PAPPA: variants seen among roughly 807,000 people sequenced by gnomAD.
PAPPA encodes pappalysin 1, also known as pappalysin-1.
In PAPPA, 60 loss-of-function variants were observed where a neutral mutation model predicts 164.0. The observed-to-expected ratio is 0.37, with a 90% confidence interval of 0.30 to 0.45. The LOEUF is 0.45. Ranked by LOEUF, PAPPA falls within the 20% of genes least tolerant of loss-of-function variation. PAPPA has a pLI of 1.00. For synonymous variants in PAPPA, 875 were observed against 814.1 expected, an observed-to-expected ratio of 1.07 and a Z score of -1.27; for missense variants, 1,782 against 2,087.3, an observed-to-expected ratio of 0.85 and a Z score of 2.85.
chr9:116,235,500 T>C lies in PAPPA; in HGVS notation c.2595T>C (p.Asp865=). 1.2e-6 allele frequency: 2 copies of C among 1,613,628 alleles called. No individual in the cohort carries two copies. Among genetic ancestry groups the C allele is most frequent in the African/African-American group, 1.3e-5 (1 of 75,018 alleles). Reference sequence around the variant, plus strand: ...CGCTGGATGAGCACCTGGAGATCGATGCTGCCATGTTGACCTCCACTGCAG... The same window carrying C: ...CGCTGGATGAGCACCTGGAGATCGACGCTGCCATGTTGACCTCCACTGCAG... ...IYTLDEHLEI[D]AAMLTSTADT... The change falls in exon 7 of 22, where the codon GAT becomes GAC. Residue 865 remains aspartate (D), a synonymous_variant. Coordinates refer to ENST00000328252, the MANE Select transcript of PAPPA (RefSeq NM_002581.5).
intron 2 of PAPPA, among the ~76,000 whole-genome samples, chr9:116,196,102 C>T (rs1337886113): frequency 2.0e-5 from 3 of 152,146 alleles, no homozygotes; most frequent in East Asian, 1.9e-4. Flanking sequence ...CTCAGGACTA[C>T]ACCAACCAAG....
intron 15 of PAPPA, among the ~76,000 whole-genome samples, chr9:116,350,339 T>C (rs1351367293): frequency 4.6e-5 from 7 of 152,184 alleles, no homozygotes; most frequent in African/African-American, 1.7e-4. Flanking sequence ...TGCAGGGTAG[T>C]GGCTACAGCT....
chr9:116,353,566 C>A, intron 16 of PAPPA, 56 bp from the exon 17 acceptor site: 1 of 1,497,144 alleles, frequency 6.7e-7, no homozygotes, highest in South Asian at 1.2e-5. Flanking sequence ...TCATGCAGGG[C>A]ATGGATCTAG....
In PAPPA at chr9:116,401,887, G is replaced by T. The variant is rs1847062766; in HGVS notation, c.*5271G>T. On this transcript the variant is annotated 3_prime_UTR_variant, in exon 22 of 22. Transcript: ENST00000328252. ...AAAAGAAAAAGAAGAAAGACACAAA[G>T]AAAATAATCTAAACACCAAAAACTA... is the stretch of plus-strand genomic sequence containing the variant. 6.7e-6 allele frequency: 1 copy of T among 149,856 alleles called. No individual in the cohort carries two copies. The highest frequency in any genetic ancestry group is 2.4e-5 in the African/African-American group (1 of 40,892). 9.3% of individuals were successfully genotyped at this position (149,856 alleles called of 1,614,324 possible). A position where few individuals can be genotyped will look rare whatever the true frequency, so the allele number is the denominator to read the frequency against.
chr9:116,247,047 G>A (rs1844805173), intron 7 of PAPPA, among the ~76,000 whole-genome samples: 1 of 151,838 alleles, frequency 6.6e-6, no homozygotes, highest in Non-Finnish European at 1.5e-5. Context: ...AAGAGAGAGA[G>A]AAAATAAATG....
chr9:116,335,157 T>A, intron 13 of PAPPA, 83 bp downstream of exon 13: 1 of 1,156,148 alleles, frequency 8.6e-7, no homozygotes, highest in Non-Finnish European at 1.3e-6. Context: ...TAGCCATTTG[T>A]GTGGATGTAA....
At position 116,207,461 on chromosome 9, in the gene PAPPA, A is replaced by T; in HGVS notation, c.1484A>T (p.Tyr495Phe). 1 of 1,610,772 alleles carries T rather than the reference A, an allele frequency of 6.2e-7. No individual in the cohort carries two copies. Among genetic ancestry groups the T allele is most frequent in the Non-Finnish European group, 8.5e-7 (1 of 1,178,266 alleles). ...CFDPDSPHRA[Y>F]LDVNELKNIL... ...AGGTTCTTTTTCTGTTTCAGAGCCT[A>T]CTTGGATGTTAATGAGCTGAAGAAC... is the stretch of plus-strand genomic sequence containing the variant. The change falls in exon 3 of 22, where the codon TAC becomes TTC. Residue 495 changes from tyrosine to phenylalanine, a missense_variant. Physicochemically the swap from Tyr to Phe is conservative, Grantham distance 22. Around this residue, in one of 2 missense-constraint regions of PAPPA, gnomAD observed 1,324 missense variants for 1,656.9 expected, o/e 0.80. Coordinates refer to ENST00000328252, the MANE Select transcript of PAPPA (RefSeq NM_002581.5).
In PAPPA at chr9:116,188,282, T is replaced by C. The variant is rs1305651045; in HGVS notation, c.1478+66T>C. 7 of 1,219,226 alleles carry C rather than the reference T, an allele frequency of 5.7e-6. No homozygotes were observed. The Admixed American group carries it at 1.6e-4, about 27-fold the overall frequency. The allele number at this position is 1,219,226 out of a possible 1,614,324, so 75.5% of individuals were successfully genotyped here. ...AACTTGATGTCCTCCATATTATAGA[T>C]AAGGCACCTGAGGCCAGTGGGTGAT... On this transcript the variant is annotated intron_variant, in intron 2 of 21. Coordinates refer to ENST00000328252, the MANE Select transcript of PAPPA (RefSeq NM_002581.5).
chr9:116,218,742 G>C (rs1369778510), intron 4 of PAPPA, among the ~76,000 whole-genome samples: 4 of 152,150 alleles, frequency 2.6e-5, no homozygotes, highest in Non-Finnish European at 5.9e-5. Context: ...TTGAAAAGAA[G>C]TTCTCATATT....
chr9:116,394,275 G>A (rs913050101), intron 21 of PAPPA, among the ~76,000 whole-genome samples: 2 of 152,186 alleles, frequency 1.3e-5, no homozygotes, highest in Admixed American at 1.3e-4. Flanking sequence ...ATTTGGCACT[G>A]AGCATCTCAA....
At chr9:116,228,493 G>T (rs922523609) in intron 6 of PAPPA, among the ~76,000 whole-genome samples, 5 of 152,062 alleles carry the variant, frequency 3.3e-5, no homozygotes, top group African/African-American at 9.6e-5. Flanking sequence ...TAGAAAGAAG[G>T]TTGAAAAGAA....
Position 116,154,481 on chromosome 9 carries a change from C to T in PAPPA, c.309C>T (p.Gly103=). ...GGGCGCTCTATTTCAGCGGGCGAGG[C>T]GAGCAGCTGCGCCTCCGGGCCGACC... ...PSRALYFSGR[G]EQLRLRADLE... The change falls in exon 1 of 22, where the codon GGC becomes GGT. Residue 103 remains glycine, a synonymous_variant. Transcript: ENST00000328252. This position sits in a 1 kb window ranked among gnomAD's most constrained non-coding sequence, Gnocchi z 5.2. The T allele has an allele frequency of 7.7e-7, 1 of 1,304,924 alleles. No individual in the cohort carries two copies. Among genetic ancestry groups the T allele is most frequent in the Non-Finnish European group, 9.8e-7 (1 of 1,025,308 alleles). The allele number at this position is 1,304,924 out of a possible 1,614,324, so 80.8% of individuals were successfully genotyped here. A position where few individuals can be genotyped will look rare whatever the true frequency, so the allele number is the denominator to read the frequency against.
At position 116,319,505 on chromosome 9, in the gene PAPPA, G is replaced by A. The variant is rs1215260661; in HGVS notation, c.3148-11739G>A. 2.6e-5 allele frequency among the ~76,000 whole-genome samples: 4 copies of A among 152,158 alleles called. No individual in the cohort carries two copies. In the South Asian group the frequency reaches 8.3e-4, roughly 32 times the overall value. On this transcript the variant is annotated intron_variant, in intron 10 of 21. Coordinates refer to ENST00000328252, the MANE Select transcript of PAPPA (RefSeq NM_002581.5). ...ATTAATCAGTACTTCCACTGCTATT[G>A]TGAATTTTCTTTCTCCATTTGAAAA...
At position 116,200,625 on chromosome 9, in the gene PAPPA, T is replaced by C. The variant is rs569751480; in HGVS notation, c.1479-6831T>C. The stretch of plus-strand genomic sequence containing the variant: ...GGTAGTGTTATTAATGTTATCATAT[T>C]ATGTTGTGATCTTTCATTTATTCGT... On this transcript the variant is annotated intron_variant, in intron 2 of 21. Transcript: ENST00000328252. Among the ~76,000 whole-genome samples, 5 of 152,344 alleles carry C rather than the reference T, an allele frequency of 3.3e-5. No individual in the cohort carries two copies. The East Asian group carries it at 9.6e-4, about 29-fold the overall frequency.
At chr9:116,335,743 C>A (rs1476145650) in intron 13 of PAPPA, among the ~76,000 whole-genome samples, 1 of 152,160 alleles carries the variant, frequency 6.6e-6, no homozygotes, top group Non-Finnish European at 1.5e-5. Context: ...TTTGAACCTC[C>A]ACATTACCAC....
intron 1 of PAPPA, among the ~76,000 whole-genome samples, chr9:116,157,898 C>G (rs986791861): frequency 6.6e-6 from 1 of 152,128 alleles, no homozygotes; most frequent in Non-Finnish European, 1.5e-5. Flanking sequence ...CAACTGCCCC[C>G]CCAACACCCC....
intron 13 of PAPPA, among the ~76,000 whole-genome samples, chr9:116,341,464 C>T (rs1246203367): frequency 6.6e-6 from 1 of 152,212 alleles, no homozygotes; most frequent in Admixed American, 6.5e-5. Flanking sequence ...CTGTGTATGG[C>T]TTATCCCTTC....
rs1844378329 is a variant in PAPPA, at chr9:116,216,800, G to GT, written c.1919-3137_1919-3136insT. ...TCTGTCGCCCAGGCTGGAGTGCAGT[G>GT]GTGTGATCTCAGCTCACTGCAACTT... On this transcript the variant is annotated intron_variant, in intron 4 of 21. Transcript: ENST00000328252. Among the ~76,000 whole-genome samples, 3 of 152,160 alleles carry GT rather than the reference G, an allele frequency of 2.0e-5. No individual in the cohort carries two copies. The South Asian group carries it at 6.2e-4, about 32-fold the overall frequency.
At chr9:116,239,947 T>C (rs1314842276) in intron 7 of PAPPA, among the ~76,000 whole-genome samples, 1 of 152,128 alleles carries the variant, frequency 6.6e-6, no homozygotes, top group Non-Finnish European at 1.5e-5. Flanking sequence ...CACAGACAGT[T>C]CTTTATGCTT....
Sources: gnomAD v4.1 joint callset for allele counts (sites outside exome capture counted in the v4.1 genomes callset) on GRCh38, gnomAD v4.1.1 for gene constraint, gnomAD v4.1.1 regional missense constraint, Gnocchi (gnomAD v3.1) non-coding constraint, MANE v1.5 for transcripts, NCBI Gene and HGNC (gene_info 2026-07-23, HGNC 2026-07-21) for gene names.